ADGB: variants seen among roughly 807,000 people sequenced by gnomAD.
The protein encoded by ADGB is calpain-7-like protein.
Under a neutral mutation model 210.5 loss-of-function variants are expected in ADGB, and 172 were observed. That is an observed-to-expected ratio of 0.82 (90% confidence interval 0.72 to 0.93). The LOEUF is 0.93. Among genes scored for constraint, ADGB ranks in the 40% least tolerant of loss-of-function variants. ADGB has a pLI of 0.00. For missense variants in ADGB, 2,025 were observed against 1,964.8 expected (o/e 1.03, Z -0.58); for synonymous variants, 658 against 662.7 (o/e 0.99, Z 0.11).
rs1480483636 is a variant in ADGB at position 146,701,112 on chromosome 6, A to G, written c.1707+42A>G. 1.9e-6 allele frequency: 3 copies of G among 1,542,806 alleles called. No individual in the cohort carries two copies. The South Asian group carries it at 3.6e-5, about 19-fold the overall frequency. ...TACTGTTGGCCCAACTCTTAATGAG[A>G]CAAGATTTTTTTCCTTACATTGTGA... On this transcript the variant is annotated intron_variant, in intron 13 of 35. Transcript: ENST00000397944.
intron 26 of ADGB, among the ~76,000 whole-genome samples, chr6:146,751,521 G>A (rs1777321714): frequency 6.6e-6 from 1 of 151,974 alleles, no homozygotes; most frequent in South Asian, 2.1e-4. Context: ...GGGTCAAATG[G>A]TATTTCTGGT....
intron 1 of ADGB, among the ~76,000 whole-genome samples, chr6:146,623,613 T>TTGC (rs1780930601): frequency 1.3e-5 from 2 of 152,032 alleles, no homozygotes; most frequent in Admixed American, 1.3e-4. Context: ...ATTTTCTACA[T>TTGC]AGTTACAATC....
intron 33 of ADGB, among the ~76,000 whole-genome samples, chr6:146,789,639 T>C (rs1777926877): frequency 6.6e-6 from 1 of 152,196 alleles, no homozygotes; most frequent in African/African-American, 2.4e-5. Flanking sequence ...ATTTTGAAAG[T>C]ACATGCCCAT....
rs539922137 is a variant in ADGB, at chr6:146,682,601, T to C, written c.1217-3133T>C. On this transcript the variant is annotated intron_variant, in intron 9 of 35. Transcript: ENST00000397944. Reference sequence around the variant, plus strand: ...CTGGAAAGATAAGGAAATTTCATGGTCTGTACCATTCATAGTTCACTGAAA... The same window carrying C: ...CTGGAAAGATAAGGAAATTTCATGGCCTGTACCATTCATAGTTCACTGAAA... Among the ~76,000 whole-genome samples the C allele has an allele frequency of 5.9e-5, 9 of 152,260 alleles. 1 individual carries two copies. The South Asian group carries it at 6.2e-4, about 11-fold the overall frequency.
intron 29 of ADGB, among the ~76,000 whole-genome samples, chr6:146,773,696 G>A (rs1439404926): frequency 6.6e-6 from 1 of 152,158 alleles, no homozygotes; most frequent in South Asian, 2.1e-4. Flanking sequence ...CAGAGTGAAG[G>A]TTCTAACATA....
chr6:146,623,035 C>T (rs1428313637), intron 1 of ADGB, among the ~76,000 whole-genome samples: 2 of 151,814 alleles, frequency 1.3e-5, no homozygotes, highest in Non-Finnish European at 2.9e-5. Flanking sequence ...TATTTTGTTA[C>T]TATTTTCTGT....
At chr6:146,644,274 G>T (rs1775572422) in intron 2 of ADGB, among the ~76,000 whole-genome samples, 2 of 151,636 alleles carry the variant, frequency 1.3e-5, no homozygotes, top group Non-Finnish European at 2.9e-5. Flanking sequence ...TATCTTAAAG[G>T]AAAGAAATTA....
chr6:146,706,095 A>T (rs202087070), intron 13 of ADGB, among the ~76,000 whole-genome samples: 4 of 42,048 alleles, frequency 9.5e-5, no homozygotes, highest in African/African-American at 2.4e-4. Flanking sequence ...TGGTTAATTT[A>T]AAAAAAAAAA....
intron 9 of ADGB, among the ~76,000 whole-genome samples, chr6:146,683,028 A>G (rs1254955553): frequency 1.3e-5 from 2 of 152,028 alleles, no homozygotes; most frequent in Admixed American, 6.6e-5. Flanking sequence ...TAATGCCATT[A>G]TCATGGGAGT....
intron 2 of ADGB, chr6:146,639,041 A>G (rs1411116299): frequency 6.5e-6 from 1 of 153,934 alleles, no homozygotes; most frequent in Non-Finnish European, 1.5e-5. Flanking sequence ...TTTGGGCAAA[A>G]TGTCTTCCAG....
chr6:146,638,616 G>GA (rs1775461159), intron 2 of ADGB, among the ~76,000 whole-genome samples: 1 of 119,726 alleles, frequency 8.4e-6, no homozygotes, highest in African/African-American at 2.9e-5. Flanking sequence ...GGGTGGGGGG[G>GA]GGGGGGAGGG....
chr6:146,630,413 T>C (rs868020146), intron 1 of ADGB, among the ~76,000 whole-genome samples: 6 of 151,600 alleles, frequency 4.0e-5, no homozygotes, highest in Admixed American at 6.6e-5. Flanking sequence ...CAAATACTTA[T>C]AAATATGTAT....
chr6:146,752,847 A>G, intron 27 of ADGB, 133 bp downstream of exon 27: 8 of 759,626 alleles, frequency 1.1e-5, no homozygotes, highest in Middle Eastern at 4.1e-4. Context: ...GTAAAATATT[A>G]CAAGTATAGC....
intron 35 of ADGB, chr6:146,803,857 T>G: frequency 2.7e-6 from 1 of 363,968 alleles, no homozygotes; most frequent in Non-Finnish European, 5.0e-6. Context: ...GCGCGCGGCC[T>G]GCCGGGATAG....
At chr6:146,635,354 C>A in intron 1 of ADGB, 21 bp from the exon 2 acceptor site, 1 of 1,411,858 alleles carries the variant, frequency 7.1e-7, no homozygotes, top group Non-Finnish European at 9.3e-7. Context: ...CCTAACCCAC[C>A]CACTCTCTGT....
rs3747754 is a variant in ADGB, at chr6:146,726,205, T to C, written c.2352+8T>C. The C allele has an allele frequency of 0.26, 394,398 of 1,513,234 alleles. 53,755 individuals are homozygous for C. The highest frequency in any genetic ancestry group is 0.29 in the Non-Finnish European group (318,468 of 1,113,344). The allele number at this position is 1,513,234 out of a possible 1,614,324, so 93.7% of individuals were successfully genotyped here. A position where few individuals can be genotyped will look rare whatever the true frequency, so the allele number is the denominator to read the frequency against. On this transcript the variant is annotated splice_region_variant and intron_variant, in intron 19 of 35. Coordinates refer to ENST00000397944, the MANE Select transcript of ADGB (RefSeq NM_024694.4). ...CTGCCCAACTTTGAACCAGTAAGTA[T>C]TTTTGCAACAGCAAGTTATTTATTT...
At chr6:146,698,159 A>G (rs532082479) in intron 12 of ADGB, among the ~76,000 whole-genome samples, 1 of 152,292 alleles carries the variant, frequency 6.6e-6, no homozygotes, top group East Asian at 1.9e-4. Context: ...AAAATGCTTG[A>G]TCTGAATAAT....
chr6:146,741,383 A>G (rs915236852), intron 25 of ADGB, 112 bp downstream of exon 25: 1 of 918,574 alleles, frequency 1.1e-6, no homozygotes, highest in Non-Finnish European at 1.6e-6. Flanking sequence ...TAACAGACAA[A>G]TAAGGCCCTG....
At chr6:146,648,950 C>T (rs773236166) in intron 3 of ADGB, among the ~76,000 whole-genome samples, 7 of 151,716 alleles carry the variant, frequency 4.6e-5, no homozygotes, top group Non-Finnish European at 8.8e-5. Flanking sequence ...TTTAGAAACA[C>T]ATATATTATA....
Sources: gnomAD v4.1 joint callset for allele counts (sites outside exome capture counted in the v4.1 genomes callset) on GRCh38, gnomAD v4.1.1 for gene constraint, MANE v1.5 for transcripts, NCBI Gene and HGNC (gene_info 2026-07-23, HGNC 2026-07-21) for gene names.